DNAH7: variants seen among roughly 807,000 people sequenced by gnomAD.
The protein encoded by DNAH7 is dynein axonemal heavy chain 7, also known as axonemal beta dynein heavy chain 7.
A neutral mutation model predicts 444.6 loss-of-function variants in DNAH7; 397 were observed. That is an observed-to-expected ratio of 0.89 (90% CI 0.82 to 0.97). DNAH7 has a LOEUF of 0.97. DNAH7 is among the 50% of genes least tolerant of loss of function. DNAH7 has a pLI of 0.00. For missense variants in DNAH7, 4,902 were observed against 4,800.8 expected (o/e 1.02, Z -0.62); for synonymous variants, 1,636 against 1,624.4 (o/e 1.01, Z -0.17).
At chr2:195,782,471 G>A (rs368345174) in intron 58 of DNAH7, among the ~76,000 whole-genome samples, 1 of 152,260 alleles carries the variant, frequency 6.6e-6, no homozygotes, top group African/African-American at 2.4e-5. Flanking sequence ...TGAAGAAAGT[G>A]AAATAGCTCA....
intron 29 of DNAH7, among the ~76,000 whole-genome samples, chr2:195,895,691 C>T (rs938227189): frequency 6.6e-6 from 1 of 152,066 alleles, no homozygotes; most frequent in Non-Finnish European, 1.5e-5. Flanking sequence ...TTGTAATCCT[C>T]CTTCCCTCCT....
intron 49 of DNAH7, among the ~76,000 whole-genome samples, chr2:195,824,016 T>A (rs1229405522): frequency 1.3e-5 from 2 of 152,188 alleles, no homozygotes; most frequent in South Asian, 4.1e-4. Flanking sequence ...AAGAATCATA[T>A]CAATTGTAGA....
At chr2:196,037,821 A>C (rs149282782) in intron 5 of DNAH7, among the ~76,000 whole-genome samples, 1 of 152,310 alleles carries the variant, frequency 6.6e-6, no homozygotes, top group East Asian at 1.9e-4. Context: ...AATTAATTTA[A>C]TGAGATAATA....
At chr2:195,744,817 A>G (rs1271617956) in intron 63 of DNAH7, among the ~76,000 whole-genome samples, 1 of 152,198 alleles carries the variant, frequency 6.6e-6, no homozygotes, top group African/African-American at 2.4e-5. Context: ...AGGAAAACTA[A>G]CAAACAGAAA....
chr2:196,018,655 G>A (rs79306216), intron 9 of DNAH7, among the ~76,000 whole-genome samples: 13,243 of 152,092 alleles, frequency 0.087, 771 homozygotes, highest in East Asian at 0.27. Context: ...CACAATTGAC[G>A]TGCTGAAGAA....
intron 5 of DNAH7, among the ~76,000 whole-genome samples, chr2:196,036,127 G>A (rs1312733795): frequency 6.6e-6 from 1 of 150,722 alleles, no homozygotes; most frequent in Non-Finnish European, 1.5e-5. Flanking sequence ...TGCCTCCTGA[G>A]TTCAAGCGAT....
At chr2:195,938,343 T>TACACACACAC (rs1689190741) in intron 19 of DNAH7, among the ~76,000 whole-genome samples, 2 of 105,340 alleles carry the variant, frequency 1.9e-5, no homozygotes, top group African/African-American at 8.9e-5. Context: ...CAAATAGACA[T>TACACACACAC]TCACACACAC....
intron 9 of DNAH7, 129 bp downstream of exon 9, chr2:196,019,041 T>C: frequency 9.6e-7 from 1 of 1,042,738 alleles, no homozygotes; most frequent in East Asian, 3.2e-5. Flanking sequence ...TTTAAAACCA[T>C]GTTTGAATAC....
intron 19 of DNAH7, among the ~76,000 whole-genome samples, chr2:195,939,843 G>A (rs1486518866): frequency 3.3e-5 from 5 of 150,910 alleles, no homozygotes; most frequent in South Asian, 2.1e-4. Context: ...TAGAAAATAC[G>A]GTTTTGTCAC....
At chr2:195,752,737 C>G (rs1200424238) in intron 63 of DNAH7, among the ~76,000 whole-genome samples, 2 of 152,084 alleles carry the variant, frequency 1.3e-5, no homozygotes, top group Non-Finnish European at 2.9e-5. Flanking sequence ...AGAAGCATGT[C>G]TCTACAAATA....
At chr2:195,838,622 T>C (rs1698509889) in intron 47 of DNAH7, among the ~76,000 whole-genome samples, 1 of 151,944 alleles carries the variant, frequency 6.6e-6, no homozygotes, top group African/African-American at 2.4e-5. Context: ...ATAGTCCAAT[T>C]TGATCAACAA....
At chr2:195,805,150 T>A (rs760848303) in intron 54 of DNAH7, among the ~76,000 whole-genome samples, 8 of 152,176 alleles carry the variant, frequency 5.3e-5, no homozygotes, top group Non-Finnish European at 8.8e-5. Flanking sequence ...AAGTGTCAAA[T>A]TTTTAAAAAC....
intron 13 of DNAH7, 128 bp from the exon 14 acceptor site, chr2:195,987,321 A>G (rs2125633317): frequency 1.6e-6 from 1 of 616,784 alleles, no homozygotes. Flanking sequence ...AAAAATATAT[A>G]TAATTCAGGG....
chr2:195,886,116 G>A (rs79434527), intron 34 of DNAH7, 25 bp downstream of exon 34: 56,199 of 1,601,062 alleles, frequency 0.035, 1,133 homozygotes, highest in Middle Eastern at 0.055. Flanking sequence ...TTCTGTAGCA[G>A]GATACAGAAG....
At chr2:195,837,834 T>C (rs1698456906) in intron 47 of DNAH7, among the ~76,000 whole-genome samples, 1 of 152,040 alleles carries the variant, frequency 6.6e-6, no homozygotes, top group Non-Finnish European at 1.5e-5. Context: ...GTAAGGGAAA[T>C]CCAAGTATTT....
In DNAH7 at chr2:195,853,350, T is replaced by C. The variant is rs750153406; in HGVS notation, c.8774A>G (p.Tyr2925Cys). ...TGGAATAGTGTCCCTTACCTGTCTA[T>C]AGGTGGATGTGAAGGCTCCGAGGTA... is the stretch of plus-strand genomic sequence containing the variant. ...VAYLGAFTST[Y>C]RQNQTKEWTT... Residue 2925 changes from tyrosine (Y) to cysteine (C), a missense_variant, in exon 46 of 65, where the codon TAT (tyrosine) becomes TGT (cysteine). Transcript: ENST00000312428. The C allele has an allele frequency of 1.7e-5, 27 of 1,613,858 alleles. No individual in the cohort carries two copies. Among genetic ancestry groups the C allele is most frequent in the Non-Finnish European group, 2.2e-5 (26 of 1,179,884 alleles).
intron 40 of DNAH7, among the ~76,000 whole-genome samples, chr2:195,866,902 T>C (rs1700373456): frequency 6.6e-6 from 1 of 152,160 alleles, no homozygotes; most frequent in Non-Finnish European, 1.5e-5. Context: ...TGATAGTGAA[T>C]AAGTCTCACG....
Position 195,900,334 on chromosome 2 carries a change from T to C in DNAH7, c.4496A>G (p.Asp1499Gly). The stretch of plus-strand genomic sequence containing the variant: ...TGACTTCACGGCTCTCATTCCATAG[T>C]CGTAGTGATGTTGAGATGACAGCTG... The part of the protein sequence containing the change: ...SEQLSSQHHY[D>G]YGMRAVKSVL... The change falls in exon 28 of 65, where the codon GAC becomes GGC. Residue 1499 changes from aspartate to glycine, a missense_variant. Coordinates refer to ENST00000312428, the MANE Select transcript of DNAH7 (RefSeq NM_018897.3). 1 of 1,613,990 alleles carries C rather than the reference T, an allele frequency of 6.2e-7. No individual in the cohort carries two copies. Among genetic ancestry groups the C allele is most frequent in the Non-Finnish European group, 8.5e-7 (1 of 1,179,930 alleles).
At chr2:195,941,802 C>A (rs1440296115) in intron 19 of DNAH7, among the ~76,000 whole-genome samples, 2 of 152,120 alleles carry the variant, frequency 1.3e-5, no homozygotes, top group African/African-American at 4.8e-5. Flanking sequence ...TCCTTGACTT[C>A]ATCAGGAGCA....
Sources: gnomAD v4.1 joint callset for allele counts (sites outside exome capture counted in the v4.1 genomes callset) on GRCh38, gnomAD v4.1.1 for gene constraint, MANE v1.5 for transcripts, NCBI Gene and HGNC (gene_info 2026-07-23, HGNC 2026-07-21) for gene names.